Variants in WDPCP observed in about 807,000 individuals in gnomAD.
The protein encoded by WDPCP is WD repeat containing planar cell polarity effector, also known as WD repeat-containing and planar cell polarity effector protein fritz homolog.
A neutral mutation model predicts 93.1 loss-of-function variants in WDPCP; 71 were observed. The observed-to-expected ratio is 0.76, with a 90% CI of 0.63 to 0.93. The LOEUF is 0.93. Among genes scored for constraint, WDPCP ranks in the 40% least tolerant of loss-of-function variants. The pLI, the probability that WDPCP is intolerant of heterozygous loss-of-function variation, is 0.00. For missense variants in WDPCP, 844 were observed against 887.4 expected (o/e 0.95, Z 0.62); for synonymous variants, 315 against 315.0 (o/e 1.00, Z 0.00).
chr2:63,765,360 G>T (rs576149707), intron 2 of WDPCP, among the ~76,000 whole-genome samples: 17 of 152,274 alleles, frequency 1.1e-4, no homozygotes, highest in Middle Eastern at 6.8e-3. Flanking sequence ...AGGCCAGCGG[G>T]CTTAAGCATA....
At chr2:63,329,142 C>A (rs1166930250) in intron 12 of WDPCP, among the ~76,000 whole-genome samples, 7 of 152,190 alleles carry the variant, frequency 4.6e-5, no homozygotes, top group African/African-American at 1.4e-4. Flanking sequence ...ATCTCTAGGT[C>A]TTACTCATCT....
intron 2 of WDPCP, among the ~76,000 whole-genome samples, chr2:63,789,806 G>A (rs1324205377): frequency 1.3e-5 from 2 of 152,106 alleles, no homozygotes; most frequent in East Asian, 1.9e-4. Flanking sequence ...GAAGAATATG[G>A]TTACTCACCC....
chr2:63,191,625 C>T (rs919232806), intron 14 of WDPCP, among the ~76,000 whole-genome samples: 3 of 152,112 alleles, frequency 2.0e-5, no homozygotes, highest in African/African-American at 7.2e-5. Flanking sequence ...TCCACTTCAT[C>T]CCAGTCCCCA....
At position 63,456,316 on chromosome 2, in the gene WDPCP, C is replaced by T. The variant is rs1698618919; in HGVS notation, c.385-16445G>A. Among the ~76,000 whole-genome samples, 3 of 152,182 alleles carry T rather than the reference C, an allele frequency of 2.0e-5. No homozygotes were observed. The South Asian group carries it at 6.2e-4, about 32-fold the overall frequency. On this transcript the variant is annotated intron_variant, in intron 6 of 17. Transcript: ENST00000272321. The stretch of plus-strand genomic sequence containing the variant: ...CTTGTAATCCCAGCCACTTGGGAGG[C>T]TGAAGTGGGAGGATCACTTGAACCC...
At chr2:63,741,297 C>T (rs564636319) in intron 2 of WDPCP, among the ~76,000 whole-genome samples, 3 of 152,054 alleles carry the variant, frequency 2.0e-5, no homozygotes, top group Admixed American at 6.6e-5. Context: ...TCAGGTCCCT[C>T]GGACCTTCTT....
At chr2:63,759,080 C>CA (rs562659382) in intron 2 of WDPCP, among the ~76,000 whole-genome samples, 18 of 142,030 alleles carry the variant, frequency 1.3e-4, no homozygotes, top group Non-Finnish European at 1.5e-4. Context: ...CATGCACGGC[C>CA]AAAAAAAAAA....
At chr2:63,646,925 T>C (rs1340069613) in intron 3 of WDPCP, among the ~76,000 whole-genome samples, 2 of 152,194 alleles carry the variant, frequency 1.3e-5, no homozygotes, top group African/African-American at 4.8e-5. Flanking sequence ...TATAATCTTC[T>C]TGTACTTGGA....
chr2:63,455,985 C>G (rs1475110083), intron 6 of WDPCP, among the ~76,000 whole-genome samples: 1 of 152,016 alleles, frequency 6.6e-6, no homozygotes, highest in Non-Finnish European at 1.5e-5. Flanking sequence ...TATTCTCAGA[C>G]AGTGAAATAA....
At chr2:63,548,702 C>G (rs1705338695) in intron 1 of WDPCP, among the ~76,000 whole-genome samples, 1 of 151,668 alleles carries the variant, frequency 6.6e-6, no homozygotes, top group Non-Finnish European at 1.5e-5. Context: ...GCCATGTTGC[C>G]CAGGCTGATC....
intron 14 of WDPCP, among the ~76,000 whole-genome samples, chr2:63,216,165 T>C (rs977272935): frequency 6.6e-6 from 1 of 152,184 alleles, no homozygotes; most frequent in Non-Finnish European, 1.5e-5. Context: ...CTCAAGGATC[T>C]AGAACTGGAA....
At position 63,313,316 on chromosome 2, in the gene WDPCP, A is replaced by G; in HGVS notation, c.1749-5T>C. On this transcript the variant is annotated splice_polypyrimidine_tract_variant and splice_region_variant and intron_variant, in intron 12 of 17. Coordinates refer to ENST00000272321, the MANE Select transcript of WDPCP (RefSeq NM_015910.7). The stretch of plus-strand genomic sequence containing the variant: ...GCCTTTTCAAACCTCTGGTACCTAC[A>G]AGGCAGAAAAAAATATTATGTTAGT... 6.2e-7 allele frequency: 1 copy of G among 1,612,978 alleles called. No homozygotes were observed. Among genetic ancestry groups the G allele is most frequent in the Non-Finnish European group, 8.5e-7 (1 of 1,179,238 alleles).
intron 17 of WDPCP, among the ~76,000 whole-genome samples, chr2:63,122,316 A>C (rs1669597253): frequency 6.6e-6 from 1 of 152,212 alleles, no homozygotes; most frequent in Non-Finnish European, 1.5e-5. Context: ...ATTGAAATTT[A>C]GAAGCATCTG....
intron 3 of WDPCP, among the ~76,000 whole-genome samples, chr2:63,616,464 T>C (rs184638160): frequency 6.6e-6 from 1 of 152,352 alleles, no homozygotes. Flanking sequence ...CTTAGCCTAA[T>C]AGGCTAGATT....
intron 10 of WDPCP, among the ~76,000 whole-genome samples, chr2:63,401,467 A>ATGGTGATTATT (rs1694147200): frequency 6.6e-6 from 1 of 152,228 alleles, no homozygotes; most frequent in Non-Finnish European, 1.5e-5. Context: ...ATCAGTCAGA[A>ATGGTGATTATT]TGGTGATTAT....
At chr2:63,160,695 T>C (rs915500105) in intron 15 of WDPCP, among the ~76,000 whole-genome samples, 12 of 152,176 alleles carry the variant, frequency 7.9e-5, no homozygotes, top group Non-Finnish European at 1.6e-4. Flanking sequence ...CTCAAACTTA[T>C]AAATGCAGAA....
intron 3 of WDPCP, chr2:63,643,920 G>A (rs1373090197): frequency 2.0e-6 from 1 of 508,386 alleles, no homozygotes; most frequent in Admixed American, 2.1e-5. Context: ...ATGATGACAG[G>A]GAGGTACTTT....
In WDPCP at chr2:63,174,653, A is replaced by G; in HGVS notation, c.2078+17T>C. 1.2e-6 allele frequency: 2 copies of G among 1,613,628 alleles called. No individual in the cohort carries two copies. The highest frequency in any genetic ancestry group is 1.7e-6 in the Non-Finnish European group (2 of 1,179,650). Reference sequence around the variant, plus strand: ...AAATACTTTATGGAGCAATTTCCTCAGTTCAACATTTCTTACCTGTTAGAA... The same window carrying G: ...AAATACTTTATGGAGCAATTTCCTCGGTTCAACATTTCTTACCTGTTAGAA... On this transcript the variant is annotated intron_variant, in intron 15 of 17. Transcript: ENST00000272321.
At chr2:63,225,682 G>A (rs1271889505) in intron 14 of WDPCP, among the ~76,000 whole-genome samples, 1 of 151,806 alleles carries the variant, frequency 6.6e-6, no homozygotes, top group African/African-American at 2.4e-5. Flanking sequence ...ATAACAATAT[G>A]GGTGCATTTC....
rs1272227964 is a variant in WDPCP, at chr2:63,588,281, C to T, written c.-10G>A. On this transcript the variant is annotated 5_prime_UTR_variant, in exon 1 of 18. In the 5' UTR this introduces an upstream ATG that the reference lacks. Coordinates refer to ENST00000272321, the MANE Select transcript of WDPCP (RefSeq NM_015910.7). ...AAAACTCTCGCCTCATCACCAGACA[C>T]TACCCCGGGCAGAAGGTTCCTAGGC... 2.5e-6 allele frequency: 4 copies of T among 1,569,848 alleles called. No homozygotes were observed. The South Asian group carries it at 4.7e-5, about 18-fold the overall frequency.
Sources: gnomAD v4.1 joint callset for allele counts (sites outside exome capture counted in the v4.1 genomes callset) on GRCh38, gnomAD v4.1.1 for gene constraint, MANE v1.5 for transcripts, NCBI Gene and HGNC (gene_info 2026-07-23, HGNC 2026-07-21) for gene names.